SORBS2: variants seen among roughly 807,000 people sequenced by gnomAD.
The protein encoded by SORBS2 is sorbin and SH3 domain containing 2, also known as sorbin and SH3 domain-containing protein 2.
In SORBS2, 46 loss-of-function variants were observed where a neutral mutation model predicts 97.7. The ratio of observed to expected loss-of-function variants is 0.47; its 90% CI spans 0.37 to 0.60. The LOEUF (loss-of-function observed/expected upper bound fraction) is 0.60. Ranked by LOEUF, SORBS2 falls within the 20% of genes least tolerant of loss-of-function variation. SORBS2 has a pLI of 0.00. For synonymous variants in SORBS2, 476 were observed against 473.4 expected (o/e 1.01, Z -0.07); for missense variants, 1,316 against 1,282.3 (o/e 1.03, Z -0.40).
chr4:185,671,581 T>G (rs1367389895), intron 4 of SORBS2, among the ~76,000 whole-genome samples: 1 of 152,038 alleles, frequency 6.6e-6, no homozygotes, highest in Admixed American at 6.5e-5. Context: ...CTGTAATAGC[T>G]CTCAAAAAAA....
At chr4:185,587,911 C>T (rs562082575) in intron 14 of SORBS2, 1 of 490,444 alleles carries the variant, frequency 2.0e-6, no homozygotes, top group African/African-American at 2.0e-5. Context: ...GCTGCGCTGC[C>T]ATCGCGGCAG....
rs568976352 is a variant in SORBS2, at chr4:185,616,515, T to C, written c.2352-1356A>G. On this transcript the variant is annotated intron_variant, in intron 9 of 14. Transcript: ENST00000418609. Reference sequence around the variant, plus strand: ...ACAACAGTTTCATTTGTACTAGGTATGTTTTGTTTCTGGAAATGAGACTAG... The same window carrying C: ...ACAACAGTTTCATTTGTACTAGGTACGTTTTGTTTCTGGAAATGAGACTAG... 2.2e-4 allele frequency among the ~76,000 whole-genome samples: 33 copies of C among 152,332 alleles called. No individual in the cohort carries two copies. In the South Asian group the frequency reaches 4.1e-3, roughly 19 times the overall value.
intron 1 of SORBS2, among the ~76,000 whole-genome samples, chr4:185,845,166 C>T (rs2099213854): frequency 6.6e-6 from 1 of 151,882 alleles, no homozygotes; most frequent in Non-Finnish European, 1.5e-5. Flanking sequence ...GTGGACACCA[C>T]CACCCCCCAG....
chr4:185,845,268 CCTTGGCCTCCCAA>C (rs2099213932), intron 1 of SORBS2, among the ~76,000 whole-genome samples: 2 of 152,168 alleles, frequency 1.3e-5, no homozygotes, highest in South Asian at 4.1e-4. Flanking sequence ...GATCCTCCCA[CCTTGGCCTCCCAA>C]AGTGCTGGTG....
intron 2 of SORBS2, among the ~76,000 whole-genome samples, chr4:185,723,808 C>T (rs1450653729): frequency 2.0e-5 from 3 of 152,104 alleles, no homozygotes; most frequent in Admixed American, 1.3e-4. Context: ...CTTCAGTGAA[C>T]GTCAAGGTCC....
At position 185,623,686 on chromosome 4, in the gene SORBS2, C is replaced by A; in HGVS notation, c.1443G>T (p.Val481=). 5.6e-6 allele frequency: 9 copies of A among 1,614,032 alleles called. No individual in the cohort carries two copies. The highest frequency in any genetic ancestry group is 7.6e-6 in the Non-Finnish European group (9 of 1,180,024). ...CGCTGGTGACTTCAATGTGAATGGG[C>A]ACCAGGGCGTTAGACTGGCAGCCTC... Residue 481 remains valine (V), a synonymous_variant, in exon 7 of 15, where the codon GTG becomes GTT. Coordinates refer to ENST00000418609, the Ensembl canonical transcript of SORBS2. This position sits in a 1 kb window ranked among gnomAD's most constrained non-coding sequence, Gnocchi z 6.4.
At chr4:185,793,905 G>A (rs190095301) in intron 1 of SORBS2, among the ~76,000 whole-genome samples, 7 of 152,290 alleles carry the variant, frequency 4.6e-5, no homozygotes, top group South Asian at 2.1e-4. Context: ...ACACCTCCTC[G>A]AAAGCTAAAT....
chr4:185,849,753 C>CT (rs2099216757), intron 1 of SORBS2, among the ~76,000 whole-genome samples: 1 of 152,166 alleles, frequency 6.6e-6, no homozygotes, highest in African/African-American at 2.4e-5. Context: ...GAATGTGTAA[C>CT]TATCAAAGAG....
chr4:185,789,088 G>A (rs1367291406), intron 1 of SORBS2, among the ~76,000 whole-genome samples: 1 of 152,168 alleles, frequency 6.6e-6, no homozygotes, highest in Non-Finnish European at 1.5e-5. Context: ...TTATTCTTTG[G>A]GGCGTTTGAC....
At chr4:185,614,292 G>C (rs1356799620) in intron 11 of SORBS2, among the ~76,000 whole-genome samples, 1 of 150,158 alleles carries the variant, frequency 6.7e-6, no homozygotes, top group East Asian at 2.0e-4. Flanking sequence ...GAGATACTAG[G>C]ATTGGATGGG....
chr4:185,869,659 A>G (rs2099229292), intron 1 of SORBS2, among the ~76,000 whole-genome samples: 1 of 152,206 alleles, frequency 6.6e-6, no homozygotes, highest in Non-Finnish European at 1.5e-5. Context: ...GCATGTTGTC[A>G]TTTCTGATGC....
At chr4:185,837,510 G>A (rs756191591) in intron 1 of SORBS2, among the ~76,000 whole-genome samples, 2 of 152,122 alleles carry the variant, frequency 1.3e-5, no homozygotes, top group South Asian at 2.1e-4. Flanking sequence ...TCATGCAATC[G>A]TTAATCAAAT....
Position 185,607,502 on chromosome 4 carries a change from A to C in SORBS2, c.2796+4278T>G, listed in dbSNP as rs2096453211. 6.6e-6 allele frequency among the ~76,000 whole-genome samples: 1 copy of C among 152,222 alleles called. No individual in the cohort carries two copies. The highest frequency in any genetic ancestry group is 2.4e-5 in the African/African-American group (1 of 41,450). ...TTAACATAGATTTGAAGACATTTAGAAGATATCTAGATTTGAAGGTATTTT... is the reference window on the plus strand; with the variant it reads ...TTAACATAGATTTGAAGACATTTAGCAGATATCTAGATTTGAAGGTATTTT... On this transcript the variant is annotated intron_variant, in intron 12 of 14. Coordinates refer to ENST00000418609, the Ensembl canonical transcript of SORBS2. This position sits in a 1 kb window ranked among gnomAD's most constrained non-coding sequence, Gnocchi z 5.2.
chr4:185,702,068 C>T (rs550244854), intron 2 of SORBS2, among the ~76,000 whole-genome samples: 1 of 152,200 alleles, frequency 6.6e-6, no homozygotes, highest in Admixed American at 6.5e-5. Context: ...TGTGCTGGGC[C>T]GCAAATTTCT....
In SORBS2 at chr4:185,670,079, C is replaced by T. The variant is rs1046568789; in HGVS notation, c.-45-7837G>A. Among the ~76,000 whole-genome samples, 10 of 151,936 alleles carry T rather than the reference C, an allele frequency of 6.6e-5. No individual in the cohort carries two copies. In the South Asian group the frequency reaches 1.0e-3, roughly 16 times the overall value. ...ACTAAAAATACAAAAATTAGCCAGG[C>T]GTGATGGCAGGTGCCTGTAATCCCA... On this transcript the variant is annotated intron_variant, in intron 4 of 20. Coordinates refer to the SORBS2 transcript ENST00000284776.
At chr4:185,767,474 T>G (rs1176985793) in intron 2 of SORBS2, among the ~76,000 whole-genome samples, 1 of 116,226 alleles carries the variant, frequency 8.6e-6, no homozygotes, top group Non-Finnish European at 1.6e-5. Flanking sequence ...CACTCCAGCC[T>G]GGGCGACAGA....
chr4:185,640,272 C>A (rs1196511178), intron 4 of SORBS2, among the ~76,000 whole-genome samples: 1 of 152,174 alleles, frequency 6.6e-6, no homozygotes, highest in African/African-American at 2.4e-5. Flanking sequence ...TCTAACCACG[C>A]ACCTGTACAG....
At chr4:185,697,468 T>TC (rs199560734) in intron 2 of SORBS2, among the ~76,000 whole-genome samples, 4 of 151,994 alleles carry the variant, frequency 2.6e-5, no homozygotes, top group East Asian at 1.9e-4. Context: ...GCTAAGATTT[T>TC]CCCCCCCACA....
intron 1 of SORBS2, among the ~76,000 whole-genome samples, chr4:185,868,046 A>G (rs1468181277): frequency 1.3e-5 from 2 of 152,084 alleles, no homozygotes; most frequent in East Asian, 3.9e-4. Context: ...CAGCCTCCAT[A>G]AAAGACAATA....
Sources: gnomAD v4.1 joint callset for allele counts (sites outside exome capture counted in the v4.1 genomes callset) on GRCh38, gnomAD v4.1.1 for gene constraint, Gnocchi (gnomAD v3.1) non-coding constraint, MANE v1.5 for transcripts, NCBI Gene and HGNC (gene_info 2026-07-23, HGNC 2026-07-21) for gene names.